Variants in ADGRV1 observed in about 807,000 individuals in gnomAD.
The protein encoded by ADGRV1 is adhesion G protein-coupled receptor V1, also known as G-protein coupled receptor 98.
A neutral mutation model predicts 596.2 loss-of-function variants in ADGRV1; 359 were observed. The ratio of observed to expected loss-of-function variants is 0.60; its 90% CI spans 0.55 to 0.66. The LOEUF is 0.66. Ranked by LOEUF, ADGRV1 falls within the 30% of genes least tolerant of loss-of-function variation. ADGRV1 has a pLI of 0.00. For missense variants in ADGRV1, 7,274 were observed against 7,575.6 expected (o/e 0.96, Z 1.48); for synonymous variants, 2,681 against 2,679.2 (o/e 1.00, Z -0.02).
intron 21 of ADGRV1, among the ~76,000 whole-genome samples, chr5:90,662,128 C>T (rs1770402620): frequency 6.6e-6 from 1 of 150,690 alleles, no homozygotes; most frequent in Admixed American, 6.6e-5. Flanking sequence ...TCACAGTGTA[C>T]TAGCTTCAAT....
At chr5:90,683,205 T>C (rs1483713107) in intron 27 of ADGRV1, among the ~76,000 whole-genome samples, 1 of 144,194 alleles carries the variant, frequency 6.9e-6, no homozygotes, top group Non-Finnish European at 1.5e-5. Flanking sequence ...GAAATTTCAA[T>C]TGTGTTTTAT....
chr5:91,063,977 A>G (rs898205188), intron 85 of ADGRV1, among the ~76,000 whole-genome samples: 13 of 152,186 alleles, frequency 8.5e-5, no homozygotes, highest in African/African-American at 3.1e-4. Context: ...GATAGGAGTG[A>G]CCATGCCTTA....
chr5:90,910,972 C>G (rs2150689825), intron 83 of ADGRV1, among the ~76,000 whole-genome samples: 1 of 152,040 alleles, frequency 6.6e-6, no homozygotes, highest in East Asian at 1.9e-4. Context: ...CTTGAAACAC[C>G]AGAGCAAAAG....
At position 90,621,721 on chromosome 5, in the gene ADGRV1, G is replaced by T. The variant is rs547239309; in HGVS notation, c.454-876G>T. Among the ~76,000 whole-genome samples, 13 of 152,198 alleles carry T rather than the reference G, an allele frequency of 8.5e-5. No homozygotes were observed. The East Asian group carries it at 2.1e-3, about 25-fold the overall frequency. On this transcript the variant is annotated intron_variant, in intron 4 of 89. Transcript: ENST00000405460. ...GTCTCAGTGCTGCCAGGCAGCCTCT[G>T]ACATCCTTAAAATTAAACTAAATAA...
Position 90,729,654 on chromosome 5 carries a change from C to G in ADGRV1, c.10439C>G (p.Ser3480Ter), listed in dbSNP as rs200609053. 12 of 1,604,224 alleles carry G rather than the reference C, an allele frequency of 7.5e-6. No homozygotes were observed. The change falls in exon 50 of 90, where the codon TCA becomes TGA. Residue 3480 changes from serine to a stop codon, truncating the protein, a stop_gained. Transcript: ENST00000405460. LOFTEE classifies it high-confidence loss of function. Reference protein sequence around the residue: ...AENVFLGDQNSIDIFIWEMGQ... With the variant: ...AENVFLGDQN ...TTCATTATTGCAGGAGATCAGAATT[C>G]AATTGATATTTTCATCTGGGAGATG...
At chr5:90,987,240 G>A (rs1780568115) in intron 85 of ADGRV1, among the ~76,000 whole-genome samples, 1 of 152,088 alleles carries the variant, frequency 6.6e-6, no homozygotes, top group African/African-American at 2.4e-5. Flanking sequence ...CAGCACTTTG[G>A]GAGGCGGAGA....
At position 90,755,022 on chromosome 5, in the gene ADGRV1, A is replaced by G; in HGVS notation, c.11417A>G (p.Lys3806Arg). The stretch of plus-strand genomic sequence containing the variant: ...CTTCAGTTACAAATAGCTCGAGATA[A>G]AGGACTACTTGGGGATATTGCCATT... Reference protein sequence around the residue: ...TTLQLQIARDKGLLGDIAIHL... With the variant: ...TTLQLQIARDRGLLGDIAIHL... Residue 3806 changes from lysine to arginine, a missense_variant, in exon 55 of 90, where the codon AAA (lysine) becomes AGA (arginine). This residue lies in a region of ADGRV1 where 3,643 missense variants were observed against 3,809.2 expected (regional missense o/e 0.96). Coordinates refer to ENST00000405460, the MANE Select transcript of ADGRV1 (RefSeq NM_032119.4). The G allele has an allele frequency of 6.2e-7, 1 of 1,613,418 alleles. No individual in the cohort carries two copies. The highest frequency in any genetic ancestry group is 8.5e-7 in the Non-Finnish European group (1 of 1,179,412).
intron 84 of ADGRV1, among the ~76,000 whole-genome samples, chr5:90,979,195 G>A (rs1483984104): frequency 1.3e-5 from 2 of 151,268 alleles, no homozygotes; most frequent in Non-Finnish European, 2.9e-5. Flanking sequence ...TTGAGATGGG[G>A]TCTTGTTCTG....
chr5:91,034,493 T>C (rs1229954384), intron 85 of ADGRV1, among the ~76,000 whole-genome samples: 1 of 152,176 alleles, frequency 6.6e-6, no homozygotes, highest in African/African-American at 2.4e-5. Flanking sequence ...TACTACATCC[T>C]CCTAAAGTCA....
intron 85 of ADGRV1, among the ~76,000 whole-genome samples, chr5:90,993,712 A>G (rs936695670): frequency 6.6e-6 from 1 of 151,890 alleles, no homozygotes; most frequent in Non-Finnish European, 1.5e-5. Context: ...AACAGTTTAT[A>G]TATCTAGGTG....
At chr5:91,037,242 C>A (rs1055616315) in intron 85 of ADGRV1, among the ~76,000 whole-genome samples, 4 of 152,186 alleles carry the variant, frequency 2.6e-5, no homozygotes, top group African/African-American at 9.7e-5. Flanking sequence ...CATGCCTTAT[C>A]TTTTCAGTAG....
At chr5:90,766,998 G>A in intron 59 of ADGRV1, among the ~76,000 whole-genome samples, 1 of 152,118 alleles carries the variant, frequency 6.6e-6, no homozygotes, top group East Asian at 1.9e-4. Flanking sequence ...CCTAACCACA[G>A]GACAGTGGTA....
intron 83 of ADGRV1, among the ~76,000 whole-genome samples, chr5:90,909,099 T>C (rs1361465363): frequency 1.3e-5 from 2 of 152,200 alleles, no homozygotes; most frequent in Non-Finnish European, 2.9e-5. Flanking sequence ...ACAGTGTTCT[T>C]TGCCTGCTGC....
intron 89 of ADGRV1, among the ~76,000 whole-genome samples, chr5:91,155,276 A>G (rs893719923): frequency 6.6e-6 from 1 of 152,210 alleles, no homozygotes; most frequent in African/African-American, 2.4e-5. Flanking sequence ...TTGAACAAGT[A>G]AAGAATGGAG....
intron 76 of ADGRV1, among the ~76,000 whole-genome samples, chr5:90,824,971 C>G (rs1381272167): frequency 6.6e-6 from 1 of 152,052 alleles, no homozygotes; most frequent in Non-Finnish European, 1.5e-5. Flanking sequence ...GAGTCTCACT[C>G]TGTTGTCCAG....
At chr5:90,571,087 T>G (rs1756468079) in intron 1 of ADGRV1, among the ~76,000 whole-genome samples, 1 of 152,162 alleles carries the variant, frequency 6.6e-6, no homozygotes, top group South Asian at 2.1e-4. Context: ...ATTTTATTGT[T>G]GTTTGTTTAG....
intron 49 of ADGRV1, 39 bp from the exon 50 acceptor site, chr5:90,729,603 C>A: frequency 6.7e-7 from 1 of 1,501,266 alleles, no homozygotes; most frequent in Non-Finnish European, 9.1e-7. Flanking sequence ...TTTTCTGTAA[C>A]TTTTGCATTA....
chr5:90,640,129 A>G (rs940325350), intron 11 of ADGRV1, among the ~76,000 whole-genome samples: 1 of 152,160 alleles, frequency 6.6e-6, no homozygotes, highest in African/African-American at 2.4e-5. Context: ...GTGGTATATA[A>G]CCCTATATTT....
intron 75 of ADGRV1, among the ~76,000 whole-genome samples, chr5:90,816,008 C>T (rs1347918094): frequency 6.6e-6 from 1 of 152,178 alleles, no homozygotes; most frequent in Non-Finnish European, 1.5e-5. Context: ...CTATTATCTG[C>T]TCACTCTACA....
Sources: allele counts gnomAD v4.1 joint callset (sites outside exome capture counted in the v4.1 genomes callset), GRCh38; gene constraint gnomAD v4.1.1; regional missense constraint gnomAD v4.1.1; transcripts MANE v1.5; gene names NCBI Gene and HGNC (gene_info 2026-07-23, HGNC 2026-07-21).